The following NETO1 variants were observed in gnomAD, a reference collection of about 807,000 sequenced individuals.
NETO1 encodes neuropilin and tolloid-like protein 1.
NETO1 carries 26 observed loss-of-function variants against 61.3 expected under a neutral mutation model. The observed-to-expected ratio is 0.42, with a 90% confidence interval of 0.31 to 0.59. The LOEUF (loss-of-function observed/expected upper bound fraction) is 0.59, where lower values mean the gene tolerates loss of function less well. Among genes scored for constraint, NETO1 ranks in the 20% least tolerant of loss-of-function variants. The pLI, the probability that NETO1 is intolerant of heterozygous loss-of-function variation, is 0.12. For missense variants in NETO1, 531 were observed against 662.8 expected (o/e 0.80, Z 2.18); for synonymous variants, 225 against 225.8 (o/e 1.00, Z 0.03).
chr18:72,826,581 C>T (rs1371897295), intron 4 of NETO1, among the ~76,000 whole-genome samples: 4 of 151,760 alleles, frequency 2.6e-5, no homozygotes, highest in African/African-American at 9.7e-5. Context: ...TGATTGATAA[C>T]GATTTCTGTA....
intron 4 of NETO1, among the ~76,000 whole-genome samples, chr18:72,800,276 G>A (rs1226691164): frequency 6.6e-6 from 1 of 152,230 alleles, no homozygotes; most frequent in African/African-American, 2.4e-5. Context: ...TTAAACGTGT[G>A]TTTGAGACAA....
In NETO1 at chr18:72,745,527, C is replaced by T. The variant is rs930647405; in HGVS notation, c.*2652G>A. On this transcript the variant is annotated 3_prime_UTR_variant, in exon 11 of 11. Transcript: ENST00000327305. ...CTTGGGTTGGTAATATTTGAATTCA[C>T]TTTATCAAAAAATATAATCATTTAT... The T allele has an allele frequency of 1.3e-5, 2 of 152,176 alleles. No homozygotes were observed. The highest frequency in any genetic ancestry group is 1.9e-4 in the East Asian group (1 of 5,204). The allele number at this position is 152,176 out of a possible 1,614,324, so 9.4% of individuals were successfully genotyped here. A position where few individuals can be genotyped will look rare whatever the true frequency, so the allele number is the denominator to read the frequency against.
intron 4 of NETO1, among the ~76,000 whole-genome samples, chr18:72,853,995 C>A (rs1479465281): frequency 6.6e-6 from 1 of 151,902 alleles, no homozygotes; most frequent in Non-Finnish European, 1.5e-5. Context: ...AAATATTGCA[C>A]CGAATATTTG....
chr18:72,845,742 T>C (rs1213326818), intron 4 of NETO1, among the ~76,000 whole-genome samples: 1 of 152,204 alleles, frequency 6.6e-6, no homozygotes, highest in Non-Finnish European at 1.5e-5. Context: ...TTCTAGAACA[T>C]GGTATAAAAG....
intron 4 of NETO1, among the ~76,000 whole-genome samples, chr18:72,832,447 T>A (rs947394240): frequency 6.6e-6 from 1 of 152,208 alleles, no homozygotes; most frequent in African/African-American, 2.4e-5. Context: ...TTTATTTACC[T>A]ACATTTATCT....
chr18:72,832,002 T>A (rs754029944), intron 4 of NETO1, among the ~76,000 whole-genome samples: 8 of 152,184 alleles, frequency 5.3e-5, no homozygotes, highest in Non-Finnish European at 1.2e-4. Context: ...TTCCTTAAAG[T>A]GATGTACTTA....
intron 4 of NETO1, among the ~76,000 whole-genome samples, chr18:72,798,339 G>T (rs1267733869): frequency 1.3e-5 from 2 of 152,320 alleles, no homozygotes. Flanking sequence ...GATGATCTGG[G>T]GTAGTGATGC....
At chr18:72,860,199 A>T (rs1238109771) in intron 3 of NETO1, among the ~76,000 whole-genome samples, 1 of 152,212 alleles carries the variant, frequency 6.6e-6, no homozygotes, top group Non-Finnish European at 1.5e-5. Context: ...GTTAGTAAAC[A>T]GCTGTTGCCT....
At chr18:72,823,960 C>CCA (rs2073293390) in intron 4 of NETO1, among the ~76,000 whole-genome samples, 1 of 152,156 alleles carries the variant, frequency 6.6e-6, no homozygotes, top group Admixed American at 6.5e-5. Flanking sequence ...AAATGAAAAA[C>CCA]CACTGGAGGG....
chr18:72,824,451 T>C (rs1283001435), intron 4 of NETO1, among the ~76,000 whole-genome samples: 2 of 152,236 alleles, frequency 1.3e-5, no homozygotes, highest in Non-Finnish European at 2.9e-5. Flanking sequence ...AAGTCCCTTT[T>C]GAACAACAGA....
intron 4 of NETO1, among the ~76,000 whole-genome samples, chr18:72,814,342 T>C (rs1422624534): frequency 6.6e-6 from 1 of 152,110 alleles, no homozygotes; most frequent in Non-Finnish European, 1.5e-5. Context: ...GAAGAGAATG[T>C]ATATGTTGTA....
intron 4 of NETO1, among the ~76,000 whole-genome samples, chr18:72,824,179 T>C (rs1254309272): frequency 3.9e-5 from 6 of 152,204 alleles, no homozygotes; most frequent in Admixed American, 3.9e-4. Context: ...TTTTTGTTTG[T>C]TTGTTTTGAT....
At chr18:72,850,269 C>G (rs373740412) in intron 4 of NETO1, among the ~76,000 whole-genome samples, 3 of 151,696 alleles carry the variant, frequency 2.0e-5, no homozygotes, top group East Asian at 1.9e-4. Flanking sequence ...GATCAATAAA[C>G]AGTTGTTAAA....
At chr18:72,866,018 T>C (rs1427528121) in intron 1 of NETO1, among the ~76,000 whole-genome samples, 1 of 152,216 alleles carries the variant, frequency 6.6e-6, no homozygotes, top group South Asian at 2.1e-4. Flanking sequence ...TAACAGTAAA[T>C]CTGCAATGCC....
At chr18:72,812,184 G>A (rs778517541) in intron 4 of NETO1, among the ~76,000 whole-genome samples, 10 of 152,178 alleles carry the variant, frequency 6.6e-5, no homozygotes, top group Non-Finnish European at 1.2e-4. Context: ...AGGAGAAAAC[G>A]GAAGTTCACG....
intron 4 of NETO1, among the ~76,000 whole-genome samples, chr18:72,853,723 C>T (rs542016680): frequency 4.1e-4 from 61 of 148,666 alleles, no homozygotes; most frequent in African/African-American, 1.4e-3. Context: ...CACCACTGCA[C>T]GCCAGCCTGA....
intron 4 of NETO1, among the ~76,000 whole-genome samples, chr18:72,822,610 A>G (rs1476237882): frequency 2.0e-5 from 3 of 152,248 alleles, no homozygotes; most frequent in Non-Finnish European, 4.4e-5. Flanking sequence ...GCTCAGACAT[A>G]AAAGAGAATG....
intron 7 of NETO1, among the ~76,000 whole-genome samples, chr18:72,769,043 C>A (rs1225644111): frequency 6.6e-6 from 1 of 152,140 alleles, no homozygotes; most frequent in Non-Finnish European, 1.5e-5. Context: ...CAAGCAGGGA[C>A]AGGAGAGGGC....
At chr18:72,759,418 T>A (rs535312504) in intron 7 of NETO1, among the ~76,000 whole-genome samples, 2 of 152,358 alleles carry the variant, frequency 1.3e-5, no homozygotes, top group South Asian at 2.1e-4. Context: ...TATGCTTTTT[T>A]AAAAATTAAT....
Sources: gnomAD v4.1 joint callset for allele counts (sites outside exome capture counted in the v4.1 genomes callset) on GRCh38, gnomAD v4.1.1 for gene constraint, MANE v1.5 for transcripts, NCBI Gene and HGNC (gene_info 2026-07-23, HGNC 2026-07-21) for gene names.